RGS7: variants seen among roughly 807,000 people sequenced by gnomAD.
The protein encoded by RGS7 is regulator of G protein signaling 7.
In RGS7, 27 loss-of-function variants were observed where a neutral mutation model predicts 81.1. The ratio of observed to expected loss-of-function variants is 0.33; its 90% CI spans 0.25 to 0.46. The LOEUF is 0.46. Among genes scored for constraint, RGS7 ranks in the 20% least tolerant of loss-of-function variants. RGS7 has a pLI of 1.00. For synonymous variants in RGS7, 208 were observed against 207.7 expected, an observed-to-expected ratio of 1.00 and a Z score of -0.01; for missense variants, 396 against 607.4, an observed-to-expected ratio of 0.65 and a Z score of 3.66.
At chr1:241,105,470 G>A (rs755382366) in intron 2 of RGS7, among the ~76,000 whole-genome samples, 11 of 152,172 alleles carry the variant, frequency 7.2e-5, no homozygotes, top group Non-Finnish European at 1.3e-4. Context: ...CGAACACTTG[G>A]CGGAATGAAA....
intron 3 of RGS7, among the ~76,000 whole-genome samples, chr1:241,077,014 G>A (rs764345360): frequency 2.6e-5 from 4 of 152,058 alleles, no homozygotes; most frequent in Admixed American, 6.6e-5. Context: ...TTATAACTTC[G>A]CTTTTCTGCC....
In RGS7 at chr1:241,335,688, A is replaced by AACAC. The variant is rs112464128; in HGVS notation, c.78+20007_78+20010dup. Reference sequence around the variant, plus strand: ...TCTTAAAGAGCTCAAAAGATTTTAAAACACACACACACACACACACGCAGA... The same window carrying AACAC: ...TCTTAAAGAGCTCAAAAGATTTTAAAACACACACACACACACACACACACGCAGA... On this transcript the variant is annotated intron_variant, in intron 2 of 18. Transcript: ENST00000440928. 3.4e-3 allele frequency among the ~76,000 whole-genome samples: 512 copies of AACAC among 150,562 alleles called. 8 individuals carry two copies. The highest frequency in any genetic ancestry group is 0.011 in the African/African-American group (433 of 41,150).
chr1:241,208,568 G>A (rs147174397), intron 2 of RGS7, among the ~76,000 whole-genome samples: 5 of 151,792 alleles, frequency 3.3e-5, no homozygotes, highest in East Asian at 1.9e-4. Context: ...AGTCAGCCCC[G>A]CCCCCATGTA....
chr1:240,779,510 G>A (rs1322196059), intron 18 of RGS7, among the ~76,000 whole-genome samples: 2 of 152,120 alleles, frequency 1.3e-5, no homozygotes, highest in Non-Finnish European at 2.9e-5. Flanking sequence ...CACCAGGTGA[G>A]GACACAGTAG....
intron 2 of RGS7, among the ~76,000 whole-genome samples, chr1:241,149,349 G>A (rs1261545015): frequency 6.6e-6 from 1 of 152,038 alleles, no homozygotes; most frequent in African/African-American, 2.4e-5. Context: ...TTGCATTTTT[G>A]TATTTTTTGT....
intron 2 of RGS7, among the ~76,000 whole-genome samples, chr1:241,273,811 A>G (rs983491326): frequency 6.6e-6 from 1 of 152,182 alleles, no homozygotes; most frequent in East Asian, 1.9e-4. Context: ...ATCTCAGGGT[A>G]AATTAGTTCA....
At chr1:240,996,128 T>A (rs1687250450) in intron 3 of RGS7, among the ~76,000 whole-genome samples, 1 of 152,214 alleles carries the variant, frequency 6.6e-6, no homozygotes, top group East Asian at 1.9e-4. Flanking sequence ...TGATTTCTAA[T>A]TTGATTCCAT....
intron 2 of RGS7, among the ~76,000 whole-genome samples, chr1:241,123,947 G>A (rs2066470704): frequency 6.6e-6 from 1 of 152,116 alleles, no homozygotes; most frequent in Admixed American, 6.5e-5. Context: ...TCCCTTTGGC[G>A]AAAGTTTGAC....
chr1:240,829,397 T>G (rs941467658), intron 9 of RGS7, among the ~76,000 whole-genome samples: 3 of 151,382 alleles, frequency 2.0e-5, no homozygotes, highest in African/African-American at 7.3e-5. Context: ...TGTGGTTTGA[T>G]TTTTTTTTAT....
At chr1:240,966,848 T>C (rs1013074472) in intron 4 of RGS7, among the ~76,000 whole-genome samples, 1 of 152,230 alleles carries the variant, frequency 6.6e-6, no homozygotes, top group African/African-American at 2.4e-5. Context: ...ATGTCTCCTA[T>C]ATTGTTAAGT....
intron 3 of RGS7, among the ~76,000 whole-genome samples, chr1:241,083,966 C>A (rs1286933973): frequency 6.6e-6 from 1 of 152,144 alleles, no homozygotes; most frequent in Non-Finnish European, 1.5e-5. Context: ...ATAGGCGTCA[C>A]AGAAAAATAT....
chr1:240,848,131 T>C (rs747406335), intron 9 of RGS7, among the ~76,000 whole-genome samples: 1 of 152,124 alleles, frequency 6.6e-6, no homozygotes, highest in African/African-American at 2.4e-5. Flanking sequence ...TACAGTAGAT[T>C]TTCCCAGATA....
chr1:241,099,809 A>G (rs1312066305), intron 2 of RGS7, among the ~76,000 whole-genome samples: 1 of 152,216 alleles, frequency 6.6e-6, no homozygotes, highest in Non-Finnish European at 1.5e-5. Flanking sequence ...GAAAATGCAT[A>G]CAATACAGTT....
At chr1:241,029,176 G>C (rs2059943904) in intron 3 of RGS7, among the ~76,000 whole-genome samples, 1 of 151,908 alleles carries the variant, frequency 6.6e-6, no homozygotes, top group African/African-American at 2.4e-5. Flanking sequence ...ACTCTATAAA[G>C]CAGAACAAAT....
intron 15 of RGS7, among the ~76,000 whole-genome samples, chr1:240,805,656 G>C (rs1688718631): frequency 6.6e-6 from 1 of 151,618 alleles, no homozygotes; most frequent in Admixed American, 6.6e-5. Flanking sequence ...TTTTTCACCA[G>C]AGATAAAACT....
At chr1:241,127,222 A>T (rs1056106548) in intron 2 of RGS7, among the ~76,000 whole-genome samples, 1 of 152,198 alleles carries the variant, frequency 6.6e-6, no homozygotes, top group Non-Finnish European at 1.5e-5. Context: ...CAAATAAAAA[A>T]TCCTTGAAAT....
chr1:240,931,508 C>T (rs1675438758), intron 5 of RGS7, among the ~76,000 whole-genome samples: 1 of 152,124 alleles, frequency 6.6e-6, no homozygotes, highest in Non-Finnish European at 1.5e-5. Context: ...GATGACTCCA[C>T]ATTGCATCCT....
chr1:241,136,782 G>A (rs1190565664), intron 2 of RGS7, among the ~76,000 whole-genome samples: 4 of 152,160 alleles, frequency 2.6e-5, no homozygotes, highest in African/African-American at 4.8e-5. Context: ...AATTACAAAT[G>A]AGCATCATAT....
intron 9 of RGS7, among the ~76,000 whole-genome samples, chr1:240,859,440 G>GTTTTTTTTTTTTTTTTTTTTTTT (rs5782167): frequency 6.3e-5 from 7 of 110,824 alleles, no homozygotes; most frequent in South Asian, 2.9e-4. Context: ...TTTCTTTCCT[G>GTTTTTTTTTTTTTTTTTTTTTTT]TTTTTTTTTT....
Sources: gnomAD v4.1 joint callset for allele counts (sites outside exome capture counted in the v4.1 genomes callset) on GRCh38, gnomAD v4.1.1 for gene constraint, MANE v1.5 for transcripts, NCBI Gene and HGNC (gene_info 2026-07-23, HGNC 2026-07-21) for gene names.